Variants in SLC2A2 observed in about 807,000 individuals in gnomAD.
The protein encoded by SLC2A2 is solute carrier family 2, facilitated glucose transporter member 2.
A neutral mutation model predicts 54.5 loss-of-function variants in SLC2A2; 36 were observed. The ratio of observed to expected loss-of-function variants is 0.66; its 90% CI spans 0.51 to 0.87. The LOEUF is 0.87. Among genes scored for constraint, SLC2A2 ranks in the 40% least tolerant of loss-of-function variants. The pLI is 0.00. For missense variants in SLC2A2, 543 were observed against 624.3 expected, an observed-to-expected ratio of 0.87 and a Z score of 1.39; for synonymous variants, 223 against 219.1, an observed-to-expected ratio of 1.02 and a Z score of -0.16.
In SLC2A2 at chr3:171,009,938, T is replaced by C. The variant is rs1189119416; in HGVS notation, c.496+20A>G. ...GTGTGTGTGTGTGTGTGTGTGTGTG[T>C]GTGTGTGTGTGTGACTTACCACAAT... On this transcript the variant is annotated intron_variant, in intron 4 of 10. Coordinates refer to ENST00000314251, the MANE Select transcript of SLC2A2 (RefSeq NM_000340.2). 3.8e-6 allele frequency: 6 copies of C among 1,575,234 alleles called. No individual in the cohort carries two copies. Among genetic ancestry groups the C allele is most frequent in the Non-Finnish European group, 5.2e-6 (6 of 1,159,634 alleles).
rs1006017441 is a variant in SLC2A2 at position 170,997,767 on chromosome 3, A to G, written c.*136T>C. Reference sequence around the variant, plus strand: ...AAAAATACTTTTTTGGTAATATTTGATGACATTTCTGATGAGAGCACATAA... The same window carrying G: ...AAAAATACTTTTTTGGTAATATTTGGTGACATTTCTGATGAGAGCACATAA... On this transcript the variant is annotated 3_prime_UTR_variant, in exon 11 of 11. Transcript: ENST00000314251. 1.2e-5 allele frequency: 9 copies of G among 758,326 alleles called. No homozygotes were observed. The East Asian group carries it at 1.8e-4, about 15-fold the overall frequency. The allele number at this position is 758,326 out of a possible 1,614,324, so 47.0% of individuals were successfully genotyped here. A position where few individuals can be genotyped will look rare whatever the true frequency, so the allele number is the denominator to read the frequency against.
chr3:171,023,044 T>G (rs1716534024), intron 1 of SLC2A2, among the ~76,000 whole-genome samples: 1 of 152,226 alleles, frequency 6.6e-6, no homozygotes, highest in Middle Eastern at 3.2e-3. Context: ...AAATAGCAAC[T>G]ATGAAGGAGA....
chr3:171,016,072 G>T (rs760924360), intron 2 of SLC2A2, among the ~76,000 whole-genome samples: 59 of 152,204 alleles, frequency 3.9e-4, no homozygotes, highest in South Asian at 1.2e-3. Context: ...ATGGGCAAAG[G>T]CCTGTTTGGT....
rs1715192508 is a variant in SLC2A2, at chr3:170,998,349, G to A, written c.1218C>T (p.Leu406=). The change falls in exon 10 of 11, where the codon CTC becomes CTT. Residue 406 remains leucine (L), a synonymous_variant. Coordinates refer to ENST00000314251, the MANE Select transcript of SLC2A2 (RefSeq NM_000340.2). ...GCCCAATTTCAAAGAAGCTGACAAA[G>A]AGGAAGATGGCTATCATGCTCACAT... The part of the protein sequence containing the change: ...MSYVSMIAIF[L]FVSFFEIGPG... The A allele has an allele frequency of 2.5e-6, 4 of 1,613,692 alleles. No individual in the cohort carries two copies. The East Asian group carries it at 8.9e-5, about 36-fold the overall frequency.
In SLC2A2 at chr3:170,996,431, T is replaced by C. The variant is rs565839434; in HGVS notation, c.*1472A>G. 1.0e-5 allele frequency: 4 copies of C among 392,794 alleles called. No homozygotes were observed. The East Asian group carries it at 1.4e-4, about 14-fold the overall frequency. 24.3% of individuals were successfully genotyped at this position (392,794 alleles called of 1,614,324 possible). On this transcript the variant is annotated 3_prime_UTR_variant, in exon 11 of 11. Transcript: ENST00000314251. ...AGAAAACAAAGCAAATGTTCAGTGG[T>C]TTTTAATTATTTCACTCTTAAAGAG...
rs56082167 is a variant in SLC2A2 at position 171,019,085 on chromosome 3, A to G, written c.16-462T>C. Among the ~76,000 whole-genome samples the G allele has an allele frequency of 2.1e-3, 166 of 79,418 alleles. 4 individuals carry two copies. In the East Asian group the frequency reaches 0.027, roughly 13 times the overall value. 52.1% of individuals were successfully genotyped at this position (79,418 alleles called of 152,430 possible). ...TGTGTGTGTGTGTGTGTATATATAT[A>G]TGTGTGTGTGTGTATATATATATAT... On this transcript the variant is annotated intron_variant, in intron 1 of 10. Transcript: ENST00000314251.
intron 1 of SLC2A2, among the ~76,000 whole-genome samples, chr3:171,026,415 T>C (rs560480934): frequency 3.0e-4 from 45 of 148,566 alleles, no homozygotes; most frequent in Admixed American, 2.0e-3. Flanking sequence ...ATTTCTTTAG[T>C]AATATGGTTA....
At position 170,998,044 on chromosome 3, in the gene SLC2A2, CAG is replaced by C; in HGVS notation, c.1432_1433del (p.Leu478ValfsTer5). 1 of 1,613,620 alleles carries C rather than the reference CAG, an allele frequency of 6.2e-7. No individual in the cohort carries two copies. Among genetic ancestry groups the C allele is most frequent in the African/African-American group, 1.3e-5 (1 of 74,998 alleles). ...TTTCTGGAACTTTAAAAAATGTGAA[CAG>C]GGTAAAGGCCAGGAGCACTCCAGCA... ...LFAGVLLAFTLFTFFKVPETK... is the reference protein window; with the variant it reads ...LFAGVLLAFTXFTFFKVPETK... On this transcript the variant is annotated frameshift_variant, in exon 11 of 11. Coordinates refer to ENST00000314251, the MANE Select transcript of SLC2A2 (RefSeq NM_000340.2). LOFTEE classifies it high-confidence loss of function.
rs759205702 is a variant in SLC2A2, at chr3:170,998,403, A to G, written c.1171-7T>C. 2 of 1,611,870 alleles carry G rather than the reference A, an allele frequency of 1.2e-6. No homozygotes were observed. The highest frequency in any genetic ancestry group is 1.7e-6 in the Non-Finnish European group (2 of 1,178,408). On this transcript the variant is annotated splice_polypyrimidine_tract_variant and splice_region_variant and intron_variant, in intron 9 of 10. Transcript: ENST00000314251. Reference sequence around the variant, plus strand: ...TCATCCAAGAGAACTTATTCTGAGGAAAAAAACAAAAACAATAGTGGGACT... The same window carrying G: ...TCATCCAAGAGAACTTATTCTGAGGGAAAAAACAAAAACAATAGTGGGACT...
intron 1 of SLC2A2, among the ~76,000 whole-genome samples, chr3:171,019,069 GTGTGTGTATATATATA>G (rs1716299296): frequency 3.2e-5 from 4 of 125,564 alleles, no homozygotes; most frequent in African/African-American, 1.5e-4. Context: ...GTGTGTGTGT[GTGTGTGTATATATATA>G]TGTGTGTGTG....
intron 1 of SLC2A2, among the ~76,000 whole-genome samples, chr3:171,025,769 T>C (rs1716659607): frequency 6.6e-6 from 1 of 152,106 alleles, no homozygotes; most frequent in Non-Finnish European, 1.5e-5. Flanking sequence ...GATCAACTTA[T>C]ATGATTGTGT....
rs1477327073 is a variant in SLC2A2, at chr3:171,005,477, C to T, written c.776-5G>A. On this transcript the variant is annotated splice_polypyrimidine_tract_variant and splice_region_variant and intron_variant, in intron 6 of 10. Coordinates refer to ENST00000314251, the MANE Select transcript of SLC2A2 (RefSeq NM_000340.2). ...ATCCTCTGAGTCTTTTCAAGCCTGT[C>T]CAAGAAAATGATCAGGTTGAAACAA... The T allele has an allele frequency of 1.2e-6, 2 of 1,610,318 alleles. No individual in the cohort carries two copies. The highest frequency in any genetic ancestry group is 1.7e-6 in the Non-Finnish European group (2 of 1,177,838).
At chr3:171,009,286 G>A (rs1000480235) in intron 4 of SLC2A2, among the ~76,000 whole-genome samples, 2 of 152,060 alleles carry the variant, frequency 1.3e-5, no homozygotes, top group Non-Finnish European at 2.9e-5. Context: ...AAAGTTTGTG[G>A]GAGGAACCTC....
In SLC2A2 at chr3:170,997,401, T is replaced by A. The variant is rs954465689; in HGVS notation, c.*502A>T. Reference sequence around the variant, plus strand: ...AAAATTTTAAGCAAAATACAAATTCTAGTACTCAAGAAAAAAGCTGAGTGC... The same window carrying A: ...AAAATTTTAAGCAAAATACAAATTCAAGTACTCAAGAAAAAAGCTGAGTGC... On this transcript the variant is annotated 3_prime_UTR_variant, in exon 11 of 11. Coordinates refer to ENST00000314251, the MANE Select transcript of SLC2A2 (RefSeq NM_000340.2). 1.9e-5 allele frequency: 3 copies of A among 157,802 alleles called. No homozygotes were observed. Among genetic ancestry groups the A allele is most frequent in the Non-Finnish European group, 4.2e-5 (3 of 72,170 alleles). 9.8% of individuals were successfully genotyped at this position (157,802 alleles called of 1,614,324 possible).
intron 1 of SLC2A2, among the ~76,000 whole-genome samples, 159 bp downstream of exon 1, chr3:171,026,497 C>T (rs1312165029): frequency 6.6e-6 from 1 of 150,390 alleles, no homozygotes; most frequent in East Asian, 2.0e-4. Context: ...ACCCCAATTA[C>T]TGAATAAGAA....
chr3:171,007,290 A>G, intron 4 of SLC2A2, 27 bp from the exon 5 acceptor site: 1 of 1,334,002 alleles, frequency 7.5e-7, no homozygotes, highest in Non-Finnish European at 1.1e-6. Flanking sequence ...CATAAATGTT[A>G]AAGTGCAACC....
rs112230776 is a variant in SLC2A2 at position 171,018,346 on chromosome 3, C to CT, written c.108+184_108+185insA. On this transcript the variant is annotated intron_variant, in intron 2 of 10. Coordinates refer to ENST00000314251, the MANE Select transcript of SLC2A2 (RefSeq NM_000340.2). ...ATTTATTGCCTCCTTTTTTTTCCCC[C>CT]GTGATTGTTAATTAGGGAGTCAAGG... Among the ~76,000 whole-genome samples the CT allele has an allele frequency of 0.057, 8,595 of 151,714 alleles. 463 individuals are homozygous for CT. Among genetic ancestry groups the CT allele is most frequent in the African/African-American group, 0.14 (5,984 of 41,404 alleles).
intron 2 of SLC2A2, among the ~76,000 whole-genome samples, chr3:171,016,856 T>TC (rs35372106): frequency 0.33 from 49,326 of 148,454 alleles, 8,854 homozygotes; most frequent in African/African-American, 0.48. Context: ...TTTTTTCTTT[T>TC]TTTTTTTTTT....
intron 2 of SLC2A2, among the ~76,000 whole-genome samples, chr3:171,016,879 G>A (rs1156682155): frequency 6.8e-6 from 1 of 147,874 alleles, no homozygotes; most frequent in Non-Finnish European, 1.5e-5. Context: ...TTGAGATGGA[G>A]TTTTGCTCTT....
Sources: gnomAD v4.1 joint callset for allele counts (sites outside exome capture counted in the v4.1 genomes callset) on GRCh38, gnomAD v4.1.1 for gene constraint, MANE v1.5 for transcripts, NCBI Gene and HGNC (gene_info 2026-07-23, HGNC 2026-07-21) for gene names.